Variants in ATP6V1A observed in about 807,000 individuals in gnomAD.
ATP6V1A encodes the protein ATPase H+ transporting V1 subunit A, also known as V-type proton ATPase catalytic subunit A.
In ATP6V1A, 18 loss-of-function variants were observed where a neutral mutation model predicts 70.1. That is an observed-to-expected ratio of 0.26 (90% CI 0.18 to 0.38). ATP6V1A has a LOEUF of 0.38. Among genes scored for constraint, ATP6V1A ranks in the 10% least tolerant of loss-of-function variants. The pLI is 1.00. For missense variants in ATP6V1A, 424 were observed against 772.4 expected (o/e 0.55, Z 5.35); for synonymous variants, 232 against 253.8 (o/e 0.91, Z 0.82).
At position 113,810,549 on chromosome 3, in the gene ATP6V1A, TAAAAC is replaced by T. The variant is rs1709329957; in HGVS notation, c.*1125_*1129del. On this transcript the variant is annotated 3_prime_UTR_variant, in exon 15 of 15. Transcript: ENST00000273398. The stretch of plus-strand genomic sequence containing the variant: ...AGGAAGTTCTTTTTAAAATGACACT[TAAAAC>T]AATCACTGAAAACTTGATCCACATC... 1 of 152,196 alleles carries T rather than the reference TAAAAC, an allele frequency of 6.6e-6. No individual in the cohort carries two copies. The highest frequency in any genetic ancestry group is 2.4e-5 in the African/African-American group (1 of 41,462). 9.4% of individuals were successfully genotyped at this position (152,196 alleles called of 1,614,324 possible).
At position 113,775,911 on chromosome 3, in the gene ATP6V1A, AAT is replaced by A. The variant is rs540530697; in HGVS notation, c.-13-2827_-13-2826del. ...CTTTTCCCAACCTATTGTCCAATTA[AAT>A]ATGTTTGTCTTTAAATCTTCTTTCT... On this transcript the variant is annotated intron_variant, in intron 1 of 14. Coordinates refer to ENST00000273398, the MANE Select transcript of ATP6V1A (RefSeq NM_001690.4). 3.0e-4 allele frequency among the ~76,000 whole-genome samples: 46 copies of A among 152,270 alleles called. No homozygotes were observed. In the East Asian group the frequency reaches 7.1e-3, roughly 24 times the overall value.
At chr3:113,761,004 TTGCAGTGAGCC>T (rs2108012017) in intron 1 of ATP6V1A, among the ~76,000 whole-genome samples, 1 of 151,662 alleles carries the variant, frequency 6.6e-6, no homozygotes, top group Non-Finnish European at 1.5e-5. Flanking sequence ...GAGGGGGAGG[TTGCAGTGAGCC>T]TAAATCGCGC....
intron 1 of ATP6V1A, among the ~76,000 whole-genome samples, chr3:113,762,366 C>T (rs550184724): frequency 1.3e-5 from 2 of 152,146 alleles, no homozygotes; most frequent in Non-Finnish European, 2.9e-5. Flanking sequence ...GTCAGGAGTT[C>T]GAGACAAGCC....
At chr3:113,770,388 G>A (rs1048436605) in intron 1 of ATP6V1A, among the ~76,000 whole-genome samples, 1 of 151,834 alleles carries the variant, frequency 6.6e-6, no homozygotes, top group Non-Finnish European at 1.5e-5. Flanking sequence ...AACAACAATA[G>A]CTGTATAGGC....
intron 12 of ATP6V1A, among the ~76,000 whole-genome samples, chr3:113,801,546 C>T (rs957836209): frequency 2.0e-5 from 3 of 152,162 alleles, no homozygotes; most frequent in Non-Finnish European, 4.4e-5. Flanking sequence ...CCTAGCAATT[C>T]TGTTTCTGGA....
chr3:113,776,014 A>G (rs750137026), intron 1 of ATP6V1A, among the ~76,000 whole-genome samples: 1 of 152,104 alleles, frequency 6.6e-6, no homozygotes, highest in East Asian at 1.9e-4. Flanking sequence ...TTACAGTCCC[A>G]TGCCTGCTCT....
Position 113,786,390 on chromosome 3 carries a change from T to A in ATP6V1A, c.716+7T>A. Reference sequence around the variant, plus strand: ...TCCTTGATGCCCTTTTTCCGTAAGTTTGAGATGTGTCCCACGATTTTCCCT... The same window carrying A: ...TCCTTGATGCCCTTTTTCCGTAAGTATGAGATGTGTCCCACGATTTTCCCT... On this transcript the variant is annotated splice_region_variant and intron_variant, in intron 6 of 14. Transcript: ENST00000273398. 1 of 1,612,944 alleles carries A rather than the reference T, an allele frequency of 6.2e-7. No homozygotes were observed. Among genetic ancestry groups the A allele is most frequent in the Non-Finnish European group, 8.5e-7 (1 of 1,179,310 alleles).
chr3:113,760,872 T>A (rs975348495), intron 1 of ATP6V1A, among the ~76,000 whole-genome samples: 1 of 151,500 alleles, frequency 6.6e-6, no homozygotes, highest in Non-Finnish European at 1.5e-5. Flanking sequence ...ATCGAGACCA[T>A]CCTGGCCAAT....
At chr3:113,775,310 ACCT>A (rs1007543241) in intron 1 of ATP6V1A, among the ~76,000 whole-genome samples, 20 of 150,000 alleles carry the variant, frequency 1.3e-4, no homozygotes, top group Non-Finnish European at 2.4e-4. Flanking sequence ...GCTCACTGCA[ACCT>A]CCTCCTCCCG....
At position 113,789,746 on chromosome 3, in the gene ATP6V1A, T is replaced by C. The variant is rs781563251; in HGVS notation, c.894T>C (p.Val298=). The change falls in exon 8 of 15, where the codon GTT becomes GTC. Residue 298 remains valine (V), a synonymous_variant. Transcript: ENST00000273398. ...TTTACCTCTAGCTCACAATGGAGGT[T>C]GATGGTAAGGTAGAGTCAATTATGA... ...LRDFPELTME[V]DGKVESIMKR... The C allele has an allele frequency of 2.5e-6, 4 of 1,609,214 alleles. No homozygotes were observed. Among genetic ancestry groups the C allele is most frequent in the Middle Eastern group, 1.6e-4 (1 of 6,066 alleles).
At chr3:113,773,174 G>A (rs973145080) in intron 1 of ATP6V1A, among the ~76,000 whole-genome samples, 10 of 151,766 alleles carry the variant, frequency 6.6e-5, no homozygotes, top group South Asian at 2.1e-4. Flanking sequence ...TCCTGACCTC[G>A]TGATCCACCC....
At chr3:113,789,885 G>T in intron 8 of ATP6V1A, 45 bp downstream of exon 8, 1 of 1,456,188 alleles carries the variant, frequency 6.9e-7, no homozygotes, top group South Asian at 1.2e-5. Flanking sequence ...CTGTTCTTAA[G>T]TGTAAAGCTA....
At chr3:113,758,394 G>C (rs1243992091) in intron 1 of ATP6V1A, among the ~76,000 whole-genome samples, 1 of 152,128 alleles carries the variant, frequency 6.6e-6, no homozygotes, top group Non-Finnish European at 1.5e-5. Context: ...ACACCCAAGA[G>C]AAGTTTCTTT....
In ATP6V1A at chr3:113,798,328, G is replaced by A. The variant is rs774063945; in HGVS notation, c.1376G>A (p.Arg459His). ...CTCATCAGCTACAGCAAGTATATGCGTGCCTTGGATGAATACTATGACAAA... is the reference window on the plus strand; with the variant it reads ...CTCATCAGCTACAGCAAGTATATGCATGCCTTGGATGAATACTATGACAAA... ...NWLISYSKYM[R>H]ALDEYYDKHF... Residue 459 changes from arginine to histidine, a missense_variant, in exon 12 of 15, where the codon CGT (arginine) becomes CAT (histidine). Arg to His is a conservative substitution (Grantham distance 29). Around this residue, in one of 9 missense-constraint regions of ATP6V1A, gnomAD observed 127 missense variants for 207.9 expected, o/e 0.61. Transcript: ENST00000273398. 2.0e-5 allele frequency: 32 copies of A among 1,613,760 alleles called. No homozygotes were observed. The highest frequency in any genetic ancestry group is 1.6e-4 in the Middle Eastern group (1 of 6,082).
intron 1 of ATP6V1A, among the ~76,000 whole-genome samples, chr3:113,768,079 C>G (rs1577083763): frequency 6.6e-6 from 1 of 152,310 alleles, no homozygotes; most frequent in African/African-American, 2.4e-5. Flanking sequence ...TTTATCTTCA[C>G]TATTTCTTTT....
At chr3:113,767,227 G>A (rs999849636) in intron 1 of ATP6V1A, among the ~76,000 whole-genome samples, 4 of 151,848 alleles carry the variant, frequency 2.6e-5, no homozygotes, top group Non-Finnish European at 5.9e-5. Context: ...GAGTAGCTGG[G>A]ATTACAGGCA....
At chr3:113,754,964 T>A (rs1052376446) in intron 1 of ATP6V1A, among the ~76,000 whole-genome samples, 12 of 152,338 alleles carry the variant, frequency 7.9e-5, no homozygotes, top group Admixed American at 6.5e-5. Context: ...TAGCTGTATT[T>A]TTTTCTCACA....
In ATP6V1A at chr3:113,799,200, A is replaced by C. The variant is rs554331210; in HGVS notation, c.1494+754A>C. 4.6e-5 allele frequency among the ~76,000 whole-genome samples: 7 copies of C among 152,286 alleles called. No homozygotes were observed. In the South Asian group the frequency reaches 1.4e-3, roughly 32 times the overall value. ...AATGTAGATACTTAATAAAATATTA[A>C]ATATTAGTGTATGAGGTCTAGTAGG... On this transcript the variant is annotated intron_variant, in intron 12 of 14. Coordinates refer to ENST00000273398, the MANE Select transcript of ATP6V1A (RefSeq NM_001690.4).
intron 1 of ATP6V1A, among the ~76,000 whole-genome samples, chr3:113,755,569 C>T (rs966842210): frequency 6.6e-6 from 1 of 152,042 alleles, no homozygotes; most frequent in South Asian, 2.1e-4. Context: ...CCACTGCAGA[C>T]CCTGGGTGAC....
Sources: allele counts gnomAD v4.1 joint callset (sites outside exome capture counted in the v4.1 genomes callset), GRCh38; gene constraint gnomAD v4.1.1; regional missense constraint gnomAD v4.1.1; transcripts MANE v1.5; gene names NCBI Gene and HGNC (gene_info 2026-07-23, HGNC 2026-07-21).